ATP8B4: variants seen among roughly 807,000 people sequenced by gnomAD.
ATP8B4 encodes ATPase phospholipid transporting 8B4 (putative), also known as probable phospholipid-transporting ATPase IM.
ATP8B4 carries 133 observed loss-of-function variants against 145.6 expected under a neutral mutation model. The ratio of observed to expected loss-of-function variants is 0.91; its 90% CI spans 0.79 to 1.05. The LOEUF (loss-of-function observed/expected upper bound fraction) is 1.05. Among genes scored for constraint, ATP8B4 ranks in the 50% least tolerant of loss-of-function variants. The pLI, the probability that ATP8B4 is intolerant of heterozygous loss-of-function variation, is 0.00. For synonymous variants in ATP8B4, 507 were observed against 492.9 expected (o/e 1.03, Z -0.38); for missense variants, 1,458 against 1,425.2 (o/e 1.02, Z -0.37).
At chr15:49,969,810 A>G (rs1567106600) in intron 13 of ATP8B4, among the ~76,000 whole-genome samples, 1 of 152,184 alleles carries the variant, frequency 6.6e-6, no homozygotes, top group African/African-American at 2.4e-5. Flanking sequence ...CTGGGAAGAG[A>G]CACAACAAAA....
chr15:50,151,347 C>A (rs1347577159), intron 1 of ATP8B4, among the ~76,000 whole-genome samples: 1 of 152,124 alleles, frequency 6.6e-6, no homozygotes, highest in African/African-American at 2.4e-5. Context: ...GCTAGGAAGC[C>A]AAACCAAGGC....
At chr15:50,133,112 T>A (rs1265175433) in intron 1 of ATP8B4, among the ~76,000 whole-genome samples, 4 of 152,106 alleles carry the variant, frequency 2.6e-5, no homozygotes, top group Non-Finnish European at 5.9e-5. Context: ...AGTATAATTT[T>A]TAAAAAACTT....
chr15:50,026,052 G>A (rs767458538), intron 6 of ATP8B4, among the ~76,000 whole-genome samples: 12 of 152,182 alleles, frequency 7.9e-5, no homozygotes, highest in Non-Finnish European at 1.6e-4. Flanking sequence ...TGGAAGACCC[G>A]ATGATTAAAG....
At chr15:50,081,230 C>G (rs1432589537) in intron 2 of ATP8B4, among the ~76,000 whole-genome samples, 1 of 152,116 alleles carries the variant, frequency 6.6e-6, no homozygotes, top group Non-Finnish European at 1.5e-5. Context: ...TCATACCTCT[C>G]CTTACTTATG....
intron 1 of ATP8B4, among the ~76,000 whole-genome samples, chr15:50,176,138 T>C (rs573232842): frequency 1.4e-4 from 22 of 151,730 alleles, no homozygotes; most frequent in African/African-American, 5.3e-4. Flanking sequence ...ATATATACAC[T>C]ATATATAAAC....
intron 1 of ATP8B4, among the ~76,000 whole-genome samples, chr15:50,136,408 C>T (rs1487792149): frequency 2.0e-5 from 3 of 152,176 alleles, no homozygotes; most frequent in Non-Finnish European, 4.4e-5. Context: ...AATGTCAAAA[C>T]ATCCAGGAGA....
intron 14 of ATP8B4, among the ~76,000 whole-genome samples, chr15:49,958,775 G>C (rs764838961): frequency 6.6e-6 from 1 of 151,832 alleles, no homozygotes; most frequent in Admixed American, 6.6e-5. Flanking sequence ...CACTCCAAAA[G>C]AGATAGAAAT....
rs752616626 is a variant in ATP8B4, at chr15:50,044,667, G to C, written c.227C>G (p.Thr76Ser). The change falls in exon 5 of 28, where the codon ACC becomes AGC. Residue 76 changes from threonine to serine, a missense_variant. Thr to Ser is a moderately conservative substitution (Grantham distance 58). Coordinates refer to ENST00000284509, the MANE Select transcript of ATP8B4 (RefSeq NM_024837.4). ...LQLIPEISSL[T>S]WFTTIVPLVL... ...CAAAGGCACAATGGTGGTAAACCAG[G>C]TCAAGGAGGAAATTTCTGGAATTAG... 1 of 1,613,094 alleles carries C rather than the reference G, an allele frequency of 6.2e-7. No homozygotes were observed. The highest frequency in any genetic ancestry group is 1.1e-5 in the South Asian group (1 of 90,920).
chr15:50,059,008 T>A (rs559852829), intron 3 of ATP8B4, among the ~76,000 whole-genome samples: 136 of 152,154 alleles, frequency 8.9e-4, no homozygotes, highest in Non-Finnish European at 1.6e-3. Context: ...AACACATCAA[T>A]AATAATTTAT....
At chr15:50,059,618 C>T (rs934980575) in intron 3 of ATP8B4, among the ~76,000 whole-genome samples, 4 of 152,196 alleles carry the variant, frequency 2.6e-5, no homozygotes, top group Admixed American at 6.5e-5. Flanking sequence ...CTTCATAATC[C>T]TCTTCCCTAG....
intron 1 of ATP8B4, among the ~76,000 whole-genome samples, chr15:50,169,476 G>C (rs2044640629): frequency 6.6e-6 from 1 of 152,206 alleles, no homozygotes; most frequent in East Asian, 1.9e-4. Flanking sequence ...CATAGGAAAA[G>C]GGGAGAGTAC....
intron 14 of ATP8B4, among the ~76,000 whole-genome samples, chr15:49,950,626 AAC>A (rs1424431290): frequency 5.9e-5 from 8 of 135,188 alleles, no homozygotes; most frequent in African/African-American, 1.3e-4. Context: ...AAACAAAAAA[AAC>A]AACAACAACA....
At chr15:50,007,446 C>A (rs1797305614) in intron 7 of ATP8B4, among the ~76,000 whole-genome samples, 1 of 152,188 alleles carries the variant, frequency 6.6e-6, no homozygotes, top group Non-Finnish European at 1.5e-5. Context: ...CTGAATGTCC[C>A]ATTGGCGAGC....
intron 8 of ATP8B4, among the ~76,000 whole-genome samples, chr15:49,997,609 G>A (rs2047534490): frequency 6.6e-6 from 1 of 151,978 alleles, no homozygotes; most frequent in Admixed American, 6.6e-5. Flanking sequence ...ATCCTCTTGG[G>A]GAAAACAAGT....
At chr15:50,005,710 C>A (rs1322557282) in intron 7 of ATP8B4, among the ~76,000 whole-genome samples, 1 of 152,170 alleles carries the variant, frequency 6.6e-6, no homozygotes, top group Non-Finnish European at 1.5e-5. Context: ...AACTTCTGAT[C>A]CCAAAATGTA....
chr15:50,039,386 G>C (rs946661845), intron 5 of ATP8B4, among the ~76,000 whole-genome samples: 8 of 149,980 alleles, frequency 5.3e-5, no homozygotes, highest in African/African-American at 1.7e-4. Context: ...GTGTAGATTT[G>C]TGATTTATGT....
intron 6 of ATP8B4, among the ~76,000 whole-genome samples, chr15:50,035,873 A>T (rs192389674): frequency 3.9e-5 from 6 of 152,104 alleles, no homozygotes; most frequent in African/African-American, 1.2e-4. Context: ...TAGTTTGAAG[A>T]CCCTAAGTCC....
rs184284727 is a variant in ATP8B4 at position 49,966,099 on chromosome 15, G to A, written c.1244-4079C>T. ...CGGTGCATTCCAGCCCAGATACTAC[G>A]CTTTTCCCATGGTCTTCACAACCCG... On this transcript the variant is annotated intron_variant, in intron 13 of 27. Transcript: ENST00000284509. Among the ~76,000 whole-genome samples, 540 of 152,300 alleles carry A rather than the reference G, an allele frequency of 3.5e-3. 15 individuals are homozygous for A. Among genetic ancestry groups the A allele is most frequent in the East Asian group, 7.7e-4 (4 of 5,174 alleles).
At chr15:50,085,433 T>A (rs999772047) in intron 2 of ATP8B4, among the ~76,000 whole-genome samples, 1 of 151,776 alleles carries the variant, frequency 6.6e-6, no homozygotes, top group East Asian at 1.9e-4. Flanking sequence ...TTTCCTGGAG[T>A]CTATTTATGT....
Sources: gnomAD v4.1 joint callset for allele counts (sites outside exome capture counted in the v4.1 genomes callset) on GRCh38, gnomAD v4.1.1 for gene constraint, MANE v1.5 for transcripts, NCBI Gene and HGNC (gene_info 2026-07-23, HGNC 2026-07-21) for gene names.